Variants in CYP2E1 observed in about 807,000 individuals in gnomAD.
CYP2E1 encodes cytochrome P450 2E1.
Under a neutral mutation model 42.9 loss-of-function variants are expected in CYP2E1, and 31 were observed. The observed-to-expected ratio is 0.72, with a 90% confidence interval of 0.54 to 0.98. CYP2E1 has a LOEUF of 0.98. Among genes scored for constraint, CYP2E1 ranks in the 50% least tolerant of loss-of-function variants. The probability of loss-of-function intolerance (pLI) is 0.00; values close to 1 mark genes in which losing one functional copy is unlikely to be tolerated. For missense variants in CYP2E1, 565 were observed against 633.2 expected (o/e 0.89, Z 1.16); for synonymous variants, 244 against 248.9 (o/e 0.98, Z 0.19).
intron 8 of CYP2E1, 27 bp downstream of exon 8, chr10:133,537,919 C>T (rs1259835783): frequency 1.9e-5 from 30 of 1,606,554 alleles, no homozygotes; most frequent in Non-Finnish European, 2.5e-5. Flanking sequence ...GCAGTACCTT[C>T]CCTTGAGGAG....
At chr10:133,528,811 G>C (rs1536828) in intron 2 of CYP2E1, among the ~76,000 whole-genome samples, 171 bp downstream of exon 2, 92,257 of 152,192 alleles carry the variant, frequency 0.61, 32,569 homozygotes, top group Non-Finnish European at 0.8. Flanking sequence ...CGTTGCCTGC[G>C]GAGCGAGGCG....
chr10:133,537,652 T>C (rs1851421800), intron 7 of CYP2E1, 99 bp from the exon 8 acceptor site: 1 of 1,030,854 alleles, frequency 9.7e-7, no homozygotes, highest in Non-Finnish European at 1.5e-6. Flanking sequence ...CTATCCTATA[T>C]AGCATAATAT....
At chr10:133,530,877 G>A (rs41299422) in intron 2 of CYP2E1, among the ~76,000 whole-genome samples, 7,370 of 152,216 alleles carry the variant, frequency 0.048, 317 homozygotes, top group African/African-American at 0.11. Context: ...GTTGAGATAA[G>A]CGTGGGAATA....
chr10:133,532,965 C>T, intron 5 of CYP2E1, 97 bp downstream of exon 5: 2 of 1,117,418 alleles, frequency 1.8e-6, no homozygotes, highest in Admixed American at 5.7e-5. Flanking sequence ...GGTGTCCAGA[C>T]CTCCCACCGC....
At chr10:133,532,564 G>T in intron 4 of CYP2E1, 128 bp from the exon 5 acceptor site, 1 of 949,662 alleles carries the variant, frequency 1.1e-6, no homozygotes, top group Non-Finnish European at 1.6e-6. Context: ...GGACACTGTT[G>T]ACCCAAAATA....
chr10:133,532,621 G>C (rs1851352742), intron 4 of CYP2E1, 71 bp from the exon 5 acceptor site: 2 of 1,345,246 alleles, frequency 1.5e-6, no homozygotes, highest in African/African-American at 1.5e-5. Flanking sequence ...TTTGGAGAAA[G>C]TTGTTGGTCC....
chr10:133,528,723 C>G, intron 2 of CYP2E1, 83 bp downstream of exon 2: 4 of 1,501,846 alleles, frequency 2.7e-6, no homozygotes, highest in Non-Finnish European at 3.7e-6. Context: ...TCGGCGATGG[C>G]CAAATAATAA....
At chr10:133,532,628 G>T (rs1442231923) in intron 4 of CYP2E1, 64 bp from the exon 5 acceptor site, 2 of 1,394,666 alleles carry the variant, frequency 1.4e-6, no homozygotes, top group East Asian at 2.3e-5. Context: ...AAAGTTGTTG[G>T]TCCAACACAC....
intron 6 of CYP2E1, among the ~76,000 whole-genome samples, chr10:133,534,522 G>A (rs8192775): frequency 0.09 from 13,689 of 152,168 alleles, 809 homozygotes; most frequent in East Asian, 0.23. Context: ...GAGGGCACCC[G>A]CATGCAAACA....
At chr10:133,537,673 A>T in intron 7 of CYP2E1, 78 bp from the exon 8 acceptor site, 1 of 1,264,732 alleles carries the variant, frequency 7.9e-7, no homozygotes, top group Non-Finnish European at 1.1e-6. Flanking sequence ...TCAAAACTAC[A>T]TTCTTCACTG....
At chr10:133,532,401 G>A (rs541830914) in intron 4 of CYP2E1, 117 bp downstream of exon 4, 8 of 1,041,048 alleles carry the variant, frequency 7.7e-6, no homozygotes, top group African/African-American at 3.2e-5. Flanking sequence ...ACATAGCTTC[G>A]AGGGGTGTTT....
chr10:133,532,792 T>G lies in CYP2E1; in HGVS notation c.749T>G (p.Val250Gly). 2 of 1,613,438 alleles carry G rather than the reference T, an allele frequency of 1.2e-6. No homozygotes were observed. Among genetic ancestry groups the G allele is most frequent in the South Asian group, 2.2e-5 (2 of 90,990 alleles). Residue 250 changes from valine (V) to glycine (G), a missense_variant, in exon 5 of 9, where the codon GTG (valine) becomes GGG (glycine). Transcript: ENST00000252945. ...AEVKEYVSERVKEHHQSLDPN... is the reference protein window; with the variant it reads ...AEVKEYVSERGKEHHQSLDPN... ...GTAAAAGAGTATGTGTCTGAAAGGGTGAAGGAGCACCATCAATCTCTGGAC... is the reference window on the plus strand; with the variant it reads ...GTAAAAGAGTATGTGTCTGAAAGGGGGAAGGAGCACCATCAATCTCTGGAC...
Position 133,537,836 on chromosome 10 carries a change from T to G in CYP2E1, c.1241T>G (p.Phe414Cys). ...CCAGAAAAGTTTAAGCCAGAACACT[T>G]CCTGAATGAAAATGGAAAGTTCAAG... ...PDPEKFKPEH[F>C]LNENGKFKYS... Residue 414 changes from phenylalanine (F) to cysteine (C), a missense_variant, in exon 8 of 9, where the codon TTC becomes TGC. By Grantham distance (205) the Phe-to-Cys change is radical. Coordinates refer to ENST00000252945, the MANE Select transcript of CYP2E1 (RefSeq NM_000773.4). 6.2e-7 allele frequency: 1 copy of G among 1,613,878 alleles called. No individual in the cohort carries two copies. The highest frequency in any genetic ancestry group is 8.5e-7 in the Non-Finnish European group (1 of 1,179,862).
chr10:133,537,620 A>T, intron 7 of CYP2E1, 131 bp from the exon 8 acceptor site: 1 of 774,964 alleles, frequency 1.3e-6, no homozygotes, highest in South Asian at 1.9e-5. Context: ...TTCACTAAGC[A>T]ACTCCTTCAA....
chr10:133,535,956 G>A (rs1028128482), intron 6 of CYP2E1, among the ~76,000 whole-genome samples: 3 of 152,168 alleles, frequency 2.0e-5, no homozygotes, highest in African/African-American at 7.2e-5. Flanking sequence ...ATATGATGAT[G>A]TTCCATGGGA....
intron 1 of CYP2E1, chr10:133,528,174 G>T (rs1259507999): frequency 3.3e-6 from 1 of 307,230 alleles, no homozygotes; most frequent in Non-Finnish European, 6.1e-6. Flanking sequence ...GGGCAACGGG[G>T]TGGTTGGTGG....
In CYP2E1 at chr10:133,538,918, G is replaced by T; in HGVS notation, c.1436G>T (p.Gly479Val). ...CTCAGCCCTATACATATTGGGTTTGGCTGTATCCCACCACGTTACAAACTC... is the reference window on the plus strand; with the variant it reads ...CTCAGCCCTATACATATTGGGTTTGTCTGTATCCCACCACGTTACAAACTC... ...IDLSPIHIGF[G>V]CIPPRYKLCV... is the part of the protein sequence containing the mutation. Residue 479 changes from glycine to valine, a missense_variant, in exon 9 of 9, where the codon GGC becomes GTC. By Grantham distance (109) the Gly-to-Val change is moderately radical (BLOSUM62 -3). Transcript: ENST00000252945. 2 of 1,613,978 alleles carry T rather than the reference G, an allele frequency of 1.2e-6. No individual in the cohort carries two copies. The highest frequency in any genetic ancestry group is 8.5e-7 in the Non-Finnish European group (1 of 1,179,978).
chr10:133,527,960 G>A, intron 1 of CYP2E1: 1 of 244,740 alleles, frequency 4.1e-6, no homozygotes. Context: ...AATACCTGCC[G>A]CCTACGACTG....
In CYP2E1 at chr10:133,531,652, C is replaced by G; in HGVS notation, c.405C>G (p.Asn135Lys). The change falls in exon 3 of 9, where the codon AAC becomes AAG. Residue 135 changes from asparagine to lysine, a missense_variant. By Grantham distance (94) the Asn-to-Lys change is moderately conservative (BLOSUM62 0). Coordinates refer to ENST00000252945, the MANE Select transcript of CYP2E1 (RefSeq NM_000773.4). ...GGTTTTCCCTGACCACCCTCCGGAA[C>G]TATGGGATGGGGAAACAGGGCAATG... ...IRRFSLTTLR[N>K]YGMGKQGNES... 1 of 1,613,872 alleles carries G rather than the reference C, an allele frequency of 6.2e-7. No individual in the cohort carries two copies. Among genetic ancestry groups the G allele is most frequent in the Non-Finnish European group, 8.5e-7 (1 of 1,179,910 alleles).
Sources: gnomAD v4.1 joint callset for allele counts (sites outside exome capture counted in the v4.1 genomes callset) on GRCh38, gnomAD v4.1.1 for gene constraint, MANE v1.5 for transcripts, NCBI Gene and HGNC (gene_info 2026-07-23, HGNC 2026-07-21) for gene names.